RAP2A: variants seen among roughly 807,000 people sequenced by gnomAD.
The protein encoded by RAP2A is ras-related protein Rap-2a.
RAP2A carries 5 observed loss-of-function variants against 15.1 expected under a neutral mutation model. The ratio of observed to expected loss-of-function variants is 0.33; its 90% CI spans 0.17 to 0.70. The LOEUF (loss-of-function observed/expected upper bound fraction) is 0.70. Ranked by LOEUF, RAP2A falls within the 30% of genes least tolerant of loss-of-function variation. RAP2A has a pLI of 0.68. For synonymous variants in RAP2A, 110 were observed against 99.7 expected, an observed-to-expected ratio of 1.10 and a Z score of -0.62; for missense variants, 111 against 240.3, an observed-to-expected ratio of 0.46 and a Z score of 3.56.
In RAP2A at chr13:97,466,547, G is replaced by T. The variant is rs1950360972; in HGVS notation, c.*2105G>T. ...TCTAACTTCTCAGAATGATTCTTTA[G>T]AATTCTATAATTCATAGCAATTTTT... is the stretch of plus-strand genomic sequence containing the variant. On this transcript the variant is annotated 3_prime_UTR_variant, in exon 2 of 2. Transcript: ENST00000245304. 1.3e-5 allele frequency: 2 copies of T among 152,136 alleles called. No homozygotes were observed. Among genetic ancestry groups the T allele is most frequent in the Non-Finnish European group, 2.9e-5 (2 of 68,024 alleles). 9.4% of individuals were successfully genotyped at this position (152,136 alleles called of 1,614,324 possible).
intron 1 of RAP2A, among the ~76,000 whole-genome samples, chr13:97,462,686 T>A (rs1416235165): frequency 6.6e-6 from 1 of 152,254 alleles, no homozygotes; most frequent in African/African-American, 2.4e-5. Context: ...ATTCTAGGTT[T>A]GCCTTTGATG....
intron 1 of RAP2A, among the ~76,000 whole-genome samples, chr13:97,435,611 T>C (rs2153178871): frequency 6.6e-6 from 1 of 151,986 alleles, no homozygotes; most frequent in Non-Finnish European, 1.5e-5. Flanking sequence ...ATAAATTCTT[T>C]TCTAAAGTAT....
chr13:97,456,107 G>A (rs542658904), intron 1 of RAP2A, among the ~76,000 whole-genome samples: 1 of 144,694 alleles, frequency 6.9e-6, no homozygotes, highest in East Asian at 1.9e-4. Context: ...CTTACTCTAG[G>A]TGAACTGTGA....
chr13:97,461,971 A>AATATATATATATATATATTTATATATTT (rs2066748289), intron 1 of RAP2A, among the ~76,000 whole-genome samples: 7 of 142,064 alleles, frequency 4.9e-5, no homozygotes, highest in Non-Finnish European at 1.1e-4. Context: ...TCAAAAAAAA[A>AATATATATATATATATATTTATATATTT]ATATATATAT....
At chr13:97,454,799 G>A (rs2066716177) in intron 1 of RAP2A, among the ~76,000 whole-genome samples, 1 of 151,348 alleles carries the variant, frequency 6.6e-6, no homozygotes, top group Non-Finnish European at 1.5e-5. Context: ...TTTTACAACA[G>A]ATTTGCTAGT....
chr13:97,438,465 T>A (rs1056002649), intron 1 of RAP2A, among the ~76,000 whole-genome samples: 1 of 152,196 alleles, frequency 6.6e-6, no homozygotes, highest in Non-Finnish European at 1.5e-5. Context: ...CACCCCTGCT[T>A]AACCCATTTA....
chr13:97,451,706 T>C (rs2066703017), intron 1 of RAP2A, among the ~76,000 whole-genome samples: 1 of 145,506 alleles, frequency 6.9e-6, no homozygotes, highest in African/African-American at 2.6e-5. Context: ...CATAAGTACA[T>C]GTGTTCAGTA....
chr13:97,437,240 T>A (rs1267098260), intron 1 of RAP2A: 2 of 152,148 alleles, frequency 1.3e-5, no homozygotes, highest in Admixed American at 1.3e-4. Flanking sequence ...TACTTCTTTA[T>A]ACTGTGTCTT....
At chr13:97,462,019 G>GATATTTAT (rs1268899721) in intron 1 of RAP2A, among the ~76,000 whole-genome samples, 4 of 137,410 alleles carry the variant, frequency 2.9e-5, no homozygotes, top group South Asian at 2.3e-4. Context: ...TATTTATATA[G>GATATTTAT]ATATTTATAT....
rs1469761188 is a variant in RAP2A at position 97,439,811 on chromosome 13, TATATTGC to T, written c.314+5029_314+5035del. Among the ~76,000 whole-genome samples, 3 of 152,298 alleles carry T rather than the reference TATATTGC, an allele frequency of 2.0e-5. No homozygotes were observed. The East Asian group carries it at 5.8e-4, about 29-fold the overall frequency. ...TGTAAGATACACAGTGGAGACTTCC[TATATTGC>T]AGTAGGCGAGAAGGCGTGGGGTGTT... On this transcript the variant is annotated intron_variant, in intron 1 of 1. Coordinates refer to ENST00000245304, the MANE Select transcript of RAP2A (RefSeq NM_021033.7).
At chr13:97,446,245 T>C (rs2066678963) in intron 1 of RAP2A, among the ~76,000 whole-genome samples, 1 of 152,326 alleles carries the variant, frequency 6.6e-6, no homozygotes, top group East Asian at 1.9e-4. Flanking sequence ...ATGGTCACTA[T>C]AGACTGTTAC....
At chr13:97,435,483 A>C (rs1017069676) in intron 1 of RAP2A, among the ~76,000 whole-genome samples, 5 of 149,642 alleles carry the variant, frequency 3.3e-5, no homozygotes, top group East Asian at 1.9e-4. Context: ...AAAAAAAAAA[A>C]AAAACACCAC....
intron 1 of RAP2A, among the ~76,000 whole-genome samples, chr13:97,447,946 T>C (rs1423093387): frequency 1.3e-5 from 2 of 151,226 alleles, no homozygotes; most frequent in African/African-American, 4.9e-5. Context: ...AGCTCAAAAC[T>C]CCTTATACTA....
At chr13:97,437,126 C>T (rs758034748) in intron 1 of RAP2A, 5 of 152,150 alleles carry the variant, frequency 3.3e-5, no homozygotes, top group Non-Finnish European at 7.4e-5. Context: ...TTAAAAATAA[C>T]ATAAATATAT....
chr13:97,441,733 T>G lies in RAP2A; in HGVS notation c.314+6949T>G, dbSNP rs1040700587. ...TTTTCTGTTTCTCTCCATCTATTCT[T>G]ACCTACTGTTTTTTTACACACTTAT... On this transcript the variant is annotated intron_variant, in intron 1 of 1. Coordinates refer to ENST00000245304, the MANE Select transcript of RAP2A (RefSeq NM_021033.7). 18 of 444,658 alleles carry G rather than the reference T, an allele frequency of 4.0e-5. No homozygotes were observed. In the Middle Eastern group the frequency reaches 2.0e-3, roughly 49 times the overall value. The allele number at this position is 444,658 out of a possible 1,614,324, so 27.5% of individuals were successfully genotyped here. A position where few individuals can be genotyped will look rare whatever the true frequency, so the allele number is the denominator to read the frequency against.
At chr13:97,451,250 T>A (rs560305943) in intron 1 of RAP2A, among the ~76,000 whole-genome samples, 101 of 152,284 alleles carry the variant, frequency 6.6e-4, no homozygotes, top group African/African-American at 2.2e-3. Flanking sequence ...TGTTTTTTTT[T>A]ATTGAGGTAG....
intron 1 of RAP2A, among the ~76,000 whole-genome samples, chr13:97,445,913 G>A (rs1305834627): frequency 1.3e-5 from 2 of 152,192 alleles, no homozygotes; most frequent in African/African-American, 4.8e-5. Flanking sequence ...GCCACCCTGA[G>A]CACATCATCT....
intron 1 of RAP2A, among the ~76,000 whole-genome samples, chr13:97,461,852 A>G (rs1370314012): frequency 1.3e-5 from 2 of 151,068 alleles, no homozygotes; most frequent in African/African-American, 2.4e-5. Context: ...AGTCCCAGGT[A>G]CTCAGGAGAC....
chr13:97,458,387 G>A (rs753181413), intron 1 of RAP2A, among the ~76,000 whole-genome samples: 22 of 152,156 alleles, frequency 1.4e-4, no homozygotes, highest in Non-Finnish European at 2.8e-4. Context: ...ACTGACAGTA[G>A]TGGTATCTGT....
Sources: allele counts gnomAD v4.1 joint callset (sites outside exome capture counted in the v4.1 genomes callset), GRCh38; gene constraint gnomAD v4.1.1; transcripts MANE v1.5; gene names NCBI Gene and HGNC (gene_info 2026-07-23, HGNC 2026-07-21).